JMY: variants seen among roughly 807,000 people sequenced by gnomAD.
The protein encoded by JMY is junction mediating and regulatory protein, p53 cofactor.
Under a neutral mutation model 103.3 loss-of-function variants are expected in JMY, and 46 were observed. The observed-to-expected ratio is 0.45, with a 90% confidence interval of 0.35 to 0.57. The LOEUF is 0.57. Among genes scored for constraint, JMY ranks in the 20% least tolerant of loss-of-function variants. The pLI is 0.00. For synonymous variants in JMY, 526 were observed against 489.3 expected (o/e 1.07, Z -0.99); for missense variants, 1,238 against 1,255.2 (o/e 0.99, Z 0.21).
At chr5:79,318,755 TATATATAGAGAGAG>T (rs1440920662) in intron 10 of JMY, among the ~76,000 whole-genome samples, 11 of 38,588 alleles carry the variant, frequency 2.9e-4, no homozygotes, top group Admixed American at 7.6e-4. Flanking sequence ...TATATATATA[TATATATAGAGAGAG>T]AGAGAGAGAG....
intron 7 of JMY, among the ~76,000 whole-genome samples, chr5:79,311,824 T>G (rs948537577): frequency 6.6e-6 from 1 of 152,162 alleles, no homozygotes; most frequent in Non-Finnish European, 1.5e-5. Flanking sequence ...CTTTTGTTCG[T>G]TTGTTTTTTT....
intron 1 of JMY, among the ~76,000 whole-genome samples, chr5:79,248,622 A>G (rs959583789): frequency 6.6e-6 from 1 of 151,924 alleles, no homozygotes; most frequent in African/African-American, 2.4e-5. Context: ...TCTTATAATT[A>G]TAGTAAATAA....
intron 3 of JMY, 36 bp downstream of exon 3, chr5:79,290,307 T>C (rs769070120): frequency 7.7e-7 from 1 of 1,301,662 alleles, no homozygotes. Flanking sequence ...TTAGGTATTT[T>C]TGAAAATGAG....
At chr5:79,259,283 G>C (rs1255114672) in intron 1 of JMY, among the ~76,000 whole-genome samples, 2 of 152,224 alleles carry the variant, frequency 1.3e-5, no homozygotes, top group East Asian at 3.9e-4. Context: ...GGGGTGGGCA[G>C]CTTCTCTCTG....
At chr5:79,269,445 T>C (rs970055725) in intron 1 of JMY, among the ~76,000 whole-genome samples, 5 of 152,216 alleles carry the variant, frequency 3.3e-5, no homozygotes, top group African/African-American at 7.2e-5. Flanking sequence ...GTATAAACTT[T>C]AGAATTTATT....
At chr5:79,290,310 A>G in intron 3 of JMY, 39 bp downstream of exon 3, 2 of 1,370,560 alleles carry the variant, frequency 1.5e-6, no homozygotes, top group Non-Finnish European at 2.0e-6. Flanking sequence ...GGTATTTTTG[A>G]AAATGAGTGG....
In JMY at chr5:79,300,751, C is replaced by T; in HGVS notation, c.1769C>T (p.Ala590Val). ...EAMLEKEEMA[A>V]SAYLQREELQ... ...ATGCTGGAGAAGGAAGAGATGGCAG[C>T]ATCTGCGTACTTACAGAGAGAAGAG... The change falls in exon 6 of 11, where the codon GCA becomes GTA. Residue 590 changes from alanine (A) to valine (V), a missense_variant. Transcript: ENST00000396137. 6.2e-7 allele frequency: 1 copy of T among 1,612,170 alleles called. No individual in the cohort carries two copies. The highest frequency in any genetic ancestry group is 1.3e-5 in the African/African-American group (1 of 74,904).
chr5:79,316,272 G>A lies in JMY; in HGVS notation c.2932G>A (p.Glu978Lys), dbSNP rs754405670. Residue 978 changes from glutamate to lysine, a missense_variant, in exon 10 of 11, where the codon GAG becomes AAG. Physicochemically the swap from Glu to Lys is moderately conservative, Grantham distance 56 (BLOSUM62 1). Transcript: ENST00000396137. ...KEASPESEDE[E>K]EALPCTDWEN is the part of the protein sequence containing the mutation. ...AGCATCCCCAGAGTCAGAGGACGAA[G>A]AGGAGGCTTTACCTTGCACAGACTG... 12 of 1,612,990 alleles carry A rather than the reference G, an allele frequency of 7.4e-6. No individual in the cohort carries two copies. The South Asian group carries it at 1.3e-4, about 18-fold the overall frequency.
chr5:79,313,899 CT>C (rs1453065925), intron 8 of JMY, among the ~76,000 whole-genome samples: 1 of 152,204 alleles, frequency 6.6e-6, no homozygotes, highest in East Asian at 1.9e-4. Context: ...CACTCTGTCA[CT>C]CAGGCTGGAG....
At chr5:79,299,942 C>G (rs1340823120) in intron 4 of JMY, among the ~76,000 whole-genome samples, 1 of 151,788 alleles carries the variant, frequency 6.6e-6, no homozygotes, top group Non-Finnish European at 1.5e-5. Context: ...CCATGTTTGC[C>G]TACTTCCACC....
At chr5:79,257,704 C>T (rs1054326412) in intron 1 of JMY, among the ~76,000 whole-genome samples, 4 of 152,190 alleles carry the variant, frequency 2.6e-5, no homozygotes, top group Admixed American at 2.6e-4. Flanking sequence ...TGGTTTTTCT[C>T]TTTACGGACC....
At chr5:79,280,569 T>A (rs1399267559) in intron 2 of JMY, among the ~76,000 whole-genome samples, 1 of 152,216 alleles carries the variant, frequency 6.6e-6, no homozygotes, top group Non-Finnish European at 1.5e-5. Flanking sequence ...ATTCTTTTAT[T>A]CTTGATCCTA....
At chr5:79,320,255 C>T (rs1747407488) in intron 10 of JMY, among the ~76,000 whole-genome samples, 1 of 151,876 alleles carries the variant, frequency 6.6e-6, no homozygotes, top group African/African-American at 2.4e-5. Flanking sequence ...GTGGCTCACA[C>T]CTGTAGTCCC....
intron 2 of JMY, among the ~76,000 whole-genome samples, chr5:79,288,499 G>A (rs1305446474): frequency 6.6e-6 from 1 of 152,044 alleles, no homozygotes; most frequent in Non-Finnish European, 1.5e-5. Context: ...TTTACCCAGA[G>A]ACACACTTAA....
intron 2 of JMY, among the ~76,000 whole-genome samples, chr5:79,279,500 G>GTTGGAATATCATTATGTAAGATTGAGTAT (rs1746046527): frequency 6.6e-6 from 1 of 152,190 alleles, no homozygotes; most frequent in African/African-American, 2.4e-5. Flanking sequence ...AATAGGTTAA[G>GTTGGAATATCATTATGTAAGATTGAGTAT]TTGGAATATC....
intron 4 of JMY, among the ~76,000 whole-genome samples, chr5:79,295,921 A>G (rs1443929221): frequency 6.6e-6 from 1 of 152,196 alleles, no homozygotes; most frequent in Non-Finnish European, 1.5e-5. Context: ...TTTTCACCAT[A>G]TGAATTCTGT....
chr5:79,300,405 G>C (rs1225039039), intron 5 of JMY, 87 bp downstream of exon 5: 2 of 1,332,526 alleles, frequency 1.5e-6, no homozygotes. Context: ...CTTTTGTTAA[G>C]ACATTTAAAA....
intron 1 of JMY, among the ~76,000 whole-genome samples, chr5:79,261,350 G>T (rs1055824848): frequency 6.6e-6 from 1 of 151,912 alleles, no homozygotes; most frequent in Non-Finnish European, 1.5e-5. Flanking sequence ...TTTTGTTTGG[G>T]TTATCTTATG....
Position 79,314,346 on chromosome 5 carries a change from G to C in JMY, c.2154G>C (p.Glu718Asp). The change falls in exon 9 of 11, where the codon GAG becomes GAC. Residue 718 changes from glutamate (E) to aspartate (D), a missense_variant. By Grantham distance (45) the Glu-to-Asp change is conservative. Coordinates refer to ENST00000396137, the MANE Select transcript of JMY (RefSeq NM_152405.5). Reference protein sequence around the residue: ...RKGAASPVLQEDHCDSLPSVL... With the variant: ...RKGAASPVLQDDHCDSLPSVL... ...GTGCAGCAAGTCCTGTTCTCCAAGA[G>C]GATCATTGTGACTCTTTACCAAGTG... is the stretch of plus-strand genomic sequence containing the variant. 1.2e-6 allele frequency: 2 copies of C among 1,614,148 alleles called. No individual in the cohort carries two copies. The highest frequency in any genetic ancestry group is 2.2e-5 in the East Asian group (1 of 44,888).
Sources: allele counts gnomAD v4.1 joint callset (sites outside exome capture counted in the v4.1 genomes callset), GRCh38; gene constraint gnomAD v4.1.1; transcripts MANE v1.5; gene names NCBI Gene and HGNC (gene_info 2026-07-23, HGNC 2026-07-21).